Variants in SMLR1 observed in about 807,000 individuals in gnomAD.
SMLR1 encodes small leucine-rich protein 1.
SMLR1 carries 3 observed loss-of-function variants against 6.1 expected under a neutral mutation model. That is an observed-to-expected ratio of 0.49 (90% CI 0.22 to 1.28). The LOEUF is 1.28. Among genes scored for constraint, SMLR1 ranks in the 50% most tolerant of loss-of-function variants. The pLI is 0.19. For synonymous variants in SMLR1, 55 were observed against 53.6 expected (o/e 1.03, Z -0.11); for missense variants, 126 against 124.8 (o/e 1.01, Z -0.05).
chr6:130,835,600 T>C lies in SMLR1; in HGVS notation c.*645T>C, dbSNP rs1012151922. ...CCCACAAATGTAGCTTTCAGCATGA[T>C]GCGACCTGGAAATGTTGGCAATTTG... On this transcript the variant is annotated 3_prime_UTR_variant, in exon 2 of 2. Transcript: ENST00000541421. The C allele has an allele frequency of 6.6e-6, 1 of 152,230 alleles. No individual in the cohort carries two copies. The highest frequency in any genetic ancestry group is 6.6e-5 in the Admixed American group (1 of 15,258). 9.4% of individuals were successfully genotyped at this position (152,230 alleles called of 1,614,324 possible). A position where few individuals can be genotyped will look rare whatever the true frequency, so the allele number is the denominator to read the frequency against.
intron 1 of SMLR1, among the ~76,000 whole-genome samples, chr6:130,829,625 C>T (rs1774381166): frequency 6.6e-6 from 1 of 152,220 alleles, no homozygotes; most frequent in Non-Finnish European, 1.5e-5. Context: ...AAAAAAGTTA[C>T]TACCTTAAGT....
chr6:130,831,023 C>T (rs970377383), intron 1 of SMLR1, among the ~76,000 whole-genome samples: 1 of 152,218 alleles, frequency 6.6e-6, no homozygotes, highest in Admixed American at 6.5e-5. Flanking sequence ...TTTCACTTTA[C>T]GAACTCGCCC....
At chr6:130,830,891 C>T (rs1181526939) in intron 1 of SMLR1, among the ~76,000 whole-genome samples, 2 of 152,078 alleles carry the variant, frequency 1.3e-5, no homozygotes, top group East Asian at 3.9e-4. Context: ...TAAATAACCG[C>T]CCCCCCGCGT....
intron 1 of SMLR1, among the ~76,000 whole-genome samples, chr6:130,828,987 T>C (rs9388858): frequency 0.69 from 104,847 of 151,966 alleles, 36,409 homozygotes; most frequent in South Asian, 0.83. Context: ...CAAGTCGAAA[T>C]GTTTTTCAGA....
Position 130,835,055 on chromosome 6 carries a change from C to A in SMLR1, c.*100C>A. Reference sequence around the variant, plus strand: ...ATAAAGTAGGTTGATAAACTAGAACCATAGCAAAATAGAAAGAATACTAAG... The same window carrying A: ...ATAAAGTAGGTTGATAAACTAGAACAATAGCAAAATAGAAAGAATACTAAG... On this transcript the variant is annotated 3_prime_UTR_variant, in exon 2 of 2. Coordinates refer to ENST00000541421, the MANE Select transcript of SMLR1 (RefSeq NM_001195597.2). 1 of 930,938 alleles carries A rather than the reference C, an allele frequency of 1.1e-6. No individual in the cohort carries two copies. Among genetic ancestry groups the A allele is most frequent in the Non-Finnish European group, 1.7e-6 (1 of 605,116 alleles). 57.7% of individuals were successfully genotyped at this position (930,938 alleles called of 1,614,324 possible).
intron 1 of SMLR1, among the ~76,000 whole-genome samples, chr6:130,828,596 C>T (rs891825480): frequency 2.6e-5 from 4 of 152,096 alleles, no homozygotes; most frequent in Non-Finnish European, 4.4e-5. Flanking sequence ...AACAGAAGTG[C>T]AATGAGGGAT....
chr6:130,830,102 C>T (rs1357651669), intron 1 of SMLR1, among the ~76,000 whole-genome samples: 1 of 152,164 alleles, frequency 6.6e-6, no homozygotes. Context: ...CCACAGAAGG[C>T]ATCTGGCAAA....
At chr6:130,832,804 C>T (rs1399509781) in intron 1 of SMLR1, among the ~76,000 whole-genome samples, 1 of 152,158 alleles carries the variant, frequency 6.6e-6, no homozygotes, top group African/African-American at 2.4e-5. Flanking sequence ...ATCGAGTCCT[C>T]AGTAGGGGTT....
At chr6:130,831,906 C>T (rs1319742041) in intron 1 of SMLR1, among the ~76,000 whole-genome samples, 3 of 152,200 alleles carry the variant, frequency 2.0e-5, no homozygotes, top group Non-Finnish European at 4.4e-5. Flanking sequence ...CCCCACACTT[C>T]AAGCCTTAGG....
In SMLR1 at chr6:130,835,609, G is replaced by C. The variant is rs1041249665; in HGVS notation, c.*654G>C. On this transcript the variant is annotated 3_prime_UTR_variant, in exon 2 of 2. Transcript: ENST00000541421. Reference sequence around the variant, plus strand: ...GTAGCTTTCAGCATGATGCGACCTGGAAATGTTGGCAATTTGGTAATGGGA... The same window carrying C: ...GTAGCTTTCAGCATGATGCGACCTGCAAATGTTGGCAATTTGGTAATGGGA... The C allele has an allele frequency of 2.0e-5, 3 of 152,194 alleles. No individual in the cohort carries two copies. The highest frequency in any genetic ancestry group is 7.2e-5 in the African/African-American group (3 of 41,448). 9.4% of individuals were successfully genotyped at this position (152,194 alleles called of 1,614,324 possible).
chr6:130,831,326 T>C (rs1231253886), intron 1 of SMLR1, among the ~76,000 whole-genome samples: 2 of 152,180 alleles, frequency 1.3e-5, no homozygotes, highest in African/African-American at 4.8e-5. Flanking sequence ...CTCTCCCACA[T>C]GGAATCAGTG....
chr6:130,836,616 T>C lies in SMLR1; in HGVS notation c.*1661T>C, dbSNP rs1174461331. The C allele has an allele frequency of 1.3e-5, 2 of 152,226 alleles. No homozygotes were observed. The highest frequency in any genetic ancestry group is 2.9e-5 in the Non-Finnish European group (2 of 68,032). The allele number at this position is 152,226 out of a possible 1,614,324, so 9.4% of individuals were successfully genotyped here. On this transcript the variant is annotated 3_prime_UTR_variant, in exon 2 of 2. Transcript: ENST00000541421. ...TTTAGAACAAGGCCTGTTTCTTTTC[T>C]GCCATCCAATGAGAGCAGAGAATCT... is the stretch of plus-strand genomic sequence containing the variant.
chr6:130,835,025 A>G lies in SMLR1; in HGVS notation c.*70A>G. 1.7e-6 allele frequency: 2 copies of G among 1,183,044 alleles called. No homozygotes were observed. The highest frequency in any genetic ancestry group is 2.4e-6 in the Non-Finnish European group (2 of 826,242). 73.3% of individuals were successfully genotyped at this position (1,183,044 alleles called of 1,614,324 possible). ...GTCAGCAAGCAATGGCCAACAGTTC[A>G]GCTAATAAAGTAGGTTGATAAACTA... On this transcript the variant is annotated 3_prime_UTR_variant, in exon 2 of 2. Transcript: ENST00000541421.
intron 1 of SMLR1, among the ~76,000 whole-genome samples, chr6:130,829,442 C>T (rs970637809): frequency 1.6e-4 from 24 of 152,170 alleles, no homozygotes; most frequent in African/African-American, 5.8e-4. Flanking sequence ...GAAAAGTCAA[C>T]GTGCAGGGTA....
Position 130,827,620 on chromosome 6 carries a change from C to G in SMLR1, c.207C>G (p.Leu69=). The G allele has an allele frequency of 2.0e-6, 3 of 1,536,020 alleles. No individual in the cohort carries two copies. The highest frequency in any genetic ancestry group is 2.6e-6 in the Non-Finnish European group (3 of 1,146,834). ...CCGTGACTTTGCTGCTGCTCCTCCT[C>G]ATCGCCTACTTCAGGATCAAACTGA... The part of the protein sequence containing the change: ...FLPVTLLLLL[L]IAYFRIKLIE... The change falls in exon 1 of 2, where the codon CTC becomes CTG. Residue 69 remains leucine (L), a synonymous_variant. Transcript: ENST00000541421.
rs1308485593 is a variant in SMLR1, at chr6:130,835,750, A to G, written c.*795A>G. 1 of 152,198 alleles carries G rather than the reference A, an allele frequency of 6.6e-6. No individual in the cohort carries two copies. Among genetic ancestry groups the G allele is most frequent in the Non-Finnish European group, 1.5e-5 (1 of 68,024 alleles). The allele number at this position is 152,198 out of a possible 1,614,324, so 9.4% of individuals were successfully genotyped here. On this transcript the variant is annotated 3_prime_UTR_variant, in exon 2 of 2. Transcript: ENST00000541421. The stretch of plus-strand genomic sequence containing the variant: ...TATGCGGATAAGTCAACATTTCACT[A>G]CAGTTCTTTTTCAGTGGGAGCCCCA...
In SMLR1 at chr6:130,835,071, G is replaced by C. The variant is rs1774609541; in HGVS notation, c.*116G>C. 1 of 816,630 alleles carries C rather than the reference G, an allele frequency of 1.2e-6. No individual in the cohort carries two copies. Among genetic ancestry groups the C allele is most frequent in the East Asian group, 2.7e-5 (1 of 36,800 alleles). 50.6% of individuals were successfully genotyped at this position (816,630 alleles called of 1,614,324 possible). On this transcript the variant is annotated 3_prime_UTR_variant, in exon 2 of 2. Coordinates refer to ENST00000541421, the MANE Select transcript of SMLR1 (RefSeq NM_001195597.2). The stretch of plus-strand genomic sequence containing the variant: ...AACTAGAACCATAGCAAAATAGAAA[G>C]AATACTAAGATACTCATTCTGAACC...
At chr6:130,828,691 A>G (rs975829935) in intron 1 of SMLR1, among the ~76,000 whole-genome samples, 4 of 152,282 alleles carry the variant, frequency 2.6e-5, no homozygotes, top group African/African-American at 7.2e-5. Flanking sequence ...TTTCATCACA[A>G]CTTACTCAAA....
chr6:130,827,593 C>G lies in SMLR1; in HGVS notation c.180C>G (p.Leu60=), dbSNP rs1774314370. 1 of 1,535,836 alleles carries G rather than the reference C, an allele frequency of 6.5e-7. No individual in the cohort carries two copies. Residue 60 remains leucine (L), a synonymous_variant, in exon 1 of 2, where the codon CTC becomes CTG. Transcript: ENST00000541421. The part of the protein sequence containing the change: ...PGWFLFFGVF[L]PVTLLLLLLI... ...GGTTCCTGTTCTTTGGGGTCTTCCT[C>G]CCCGTGACTTTGCTGCTGCTCCTCC...
Sources: allele counts gnomAD v4.1 joint callset (sites outside exome capture counted in the v4.1 genomes callset), GRCh38; gene constraint gnomAD v4.1.1; transcripts MANE v1.5; gene names NCBI Gene and HGNC (gene_info 2026-07-23, HGNC 2026-07-21).